The following LRP1 variants were observed in gnomAD, a reference collection of about 807,000 sequenced individuals.
LRP1 encodes prolow-density lipoprotein receptor-related protein 1.
In LRP1, 51 loss-of-function variants were observed where a neutral mutation model predicts 541.5. That is an observed-to-expected ratio of 0.09 (90% confidence interval 0.08 to 0.12). The LOEUF (loss-of-function observed/expected upper bound fraction) is 0.12, where lower values mean the gene tolerates loss of function less well. Among genes scored for constraint, LRP1 ranks in the 10% least tolerant of loss-of-function variants. LRP1 has a pLI of 1.00. For missense variants in LRP1, 3,878 were observed against 6,376.2 expected, an observed-to-expected ratio of 0.61 and a Z score of 13.34; for synonymous variants, 2,219 against 2,470.8, an observed-to-expected ratio of 0.90 and a Z score of 3.02.
chr12:57,210,671 G>A (rs1277937227), intron 82 of LRP1, 47 bp from the exon 83 acceptor site: 2 of 1,577,676 alleles, frequency 1.3e-6, no homozygotes, highest in Non-Finnish European at 8.7e-7. Context: ...TATAGGGCCA[G>A]GTGGTCTCGA....
At position 57,197,671 on chromosome 12, in the gene LRP1, C is replaced by T. The variant is rs375046466; in HGVS notation, c.9282+7C>T. 14 of 1,612,234 alleles carry T rather than the reference C, an allele frequency of 8.7e-6. 1 individual carries two copies. Among genetic ancestry groups the T allele is most frequent in the Admixed American group, 1.7e-5 (1 of 59,694 alleles). The stretch of plus-strand genomic sequence containing the variant: ...TAACGGGAGCAATGTGCAGGTGAGG[C>T]GGGCGGCCCTCGGCGACCAACACTG... On this transcript the variant is annotated splice_region_variant and intron_variant, in intron 58 of 88. Transcript: ENST00000243077. This position sits in a 1 kb window ranked among gnomAD's most constrained non-coding sequence, Gnocchi z 4.5.
In LRP1 at chr12:57,178,661, G is replaced by A. The variant is rs2036098878; in HGVS notation, c.4606+58G>A. 1.2e-6 allele frequency: 2 copies of A among 1,608,974 alleles called. No individual in the cohort carries two copies. Among genetic ancestry groups the A allele is most frequent in the African/African-American group, 1.3e-5 (1 of 74,778 alleles). ...GGAGCCAGCAGCCTCTTTAGAAGCT[G>A]TAGAAGCTCTTAGGAGAGGAGAGGG... is the stretch of plus-strand genomic sequence containing the variant. On this transcript the variant is annotated intron_variant, in intron 27 of 88. Coordinates refer to ENST00000243077, the MANE Select transcript of LRP1 (RefSeq NM_002332.3). This position sits in a 1 kb window ranked among gnomAD's most constrained non-coding sequence, Gnocchi z 5.8.
Position 57,156,809 on chromosome 12 carries a change from G to A in LRP1, c.1450G>A (p.Gly484Arg), listed in dbSNP as rs769491680. The A allele has an allele frequency of 2.5e-6, 4 of 1,609,936 alleles. No homozygotes were observed. In the East Asian group the frequency reaches 8.9e-5, roughly 36 times the overall value. ...CCATGCCTGTGAAAACGACCAGTAT[G>A]GGAAGCCGGGTGGCTGCTCTGACAT... ...RSHACENDQY[G>R]KPGGCSDICL... is the part of the protein sequence containing the mutation. The change falls in exon 10 of 89, where the codon GGG (glycine) becomes AGG (arginine). Residue 484 changes from glycine to arginine, a missense_variant. This residue lies in a region of LRP1 where 496 missense variants were observed against 861.0 expected (regional missense o/e 0.58). Transcript: ENST00000243077. This position sits in a 1 kb window ranked among gnomAD's most constrained non-coding sequence, Gnocchi z 5.2.
rs777612335 is a variant in LRP1 at position 57,211,144 on chromosome 12, C to T, written c.12917-32C>T. 10 of 1,608,536 alleles carry T rather than the reference C, an allele frequency of 6.2e-6. No individual in the cohort carries two copies. The East Asian group carries it at 1.1e-4, about 18-fold the overall frequency. On this transcript the variant is annotated intron_variant, in intron 83 of 88. Transcript: ENST00000243077. The surrounding 1 kb of genome is among the most constrained non-coding windows in gnomAD (Gnocchi z 4.3). ...ATGGAGAGCCCTCATGAGGGTGGGG[C>T]TTGAGGCACTTCTCTCCCTCCCCAA...
chr12:57,188,698 C>T (rs911168352), intron 42 of LRP1, among the ~76,000 whole-genome samples: 5 of 152,336 alleles, frequency 3.3e-5, no homozygotes, highest in Non-Finnish European at 7.3e-5. Flanking sequence ...GATTCCATCA[C>T]GCATTCAGCG....
intron 44 of LRP1, 66 bp downstream of exon 44, chr12:57,191,578 C>A (rs1301003207): frequency 3.5e-6 from 5 of 1,419,384 alleles, no homozygotes; most frequent in Non-Finnish European, 3.8e-6. Context: ...CAAACACACA[C>A]CCCACACACA....
intron 15 of LRP1, among the ~76,000 whole-genome samples, chr12:57,163,669 A>C (rs1360172584): frequency 6.6e-6 from 1 of 152,180 alleles, no homozygotes; most frequent in Non-Finnish European, 1.5e-5. Flanking sequence ...ACCAGTGAGC[A>C]CCATATATTG....
Position 57,162,436 on chromosome 12 carries a change from C to A in LRP1, c.2322C>A (p.Gly774=). ...ACCGCTTGGAACGGGGTGTAGGAGG[C>A]GCACCCCCCACTGTGACCCTTCTGC... The part of the protein sequence containing the change: ...SVYRLERGVG[G]APPTVTLLRS... Residue 774 remains glycine (G), a synonymous_variant, in exon 14 of 89, where the codon GGC becomes GGA. Transcript: ENST00000243077. The surrounding 1 kb of genome is among the most constrained non-coding windows in gnomAD (Gnocchi z 5.2). 2.5e-6 allele frequency: 4 copies of A among 1,614,050 alleles called. No homozygotes were observed. Among genetic ancestry groups the A allele is most frequent in the Non-Finnish European group, 3.4e-6 (4 of 1,179,992 alleles).
At position 57,195,905 on chromosome 12, in the gene LRP1, G is replaced by A; in HGVS notation, c.8603G>A (p.Gly2868Glu). The stretch of plus-strand genomic sequence containing the variant: ...CCCAGTGAGTTCCGCTGTGCCAATG[G>A]GCGCTGTCTGAGCTCCCGCCAGTGG... ...CGPSEFRCAN[G>E]RCLSSRQWEC... The change falls in exon 54 of 89, where the codon GGG becomes GAG. Residue 2868 changes from glycine to glutamate, a missense_variant. This residue lies in a region of LRP1 where 1,100 missense variants were observed against 1,827.4 expected (regional missense o/e 0.60). Coordinates refer to ENST00000243077, the MANE Select transcript of LRP1 (RefSeq NM_002332.3). 1 of 1,613,740 alleles carries A rather than the reference G, an allele frequency of 6.2e-7. No homozygotes were observed. The highest frequency in any genetic ancestry group is 1.1e-5 in the South Asian group (1 of 91,084).
chr12:57,196,105 C>T lies in LRP1; in HGVS notation c.8720C>T (p.Ser2907Leu), dbSNP rs370412692. ...CTSQEHKCNA[S>L]SQFLCSSGRC... ...TCCGCAGAGCACAAGTGCAATGCCT[C>T]GTCACAGTTCCTGTGCAGCAGTGGG... The change falls in exon 55 of 89, where the codon TCG (serine) becomes TTG (leucine). Residue 2907 changes from serine to leucine, a missense_variant. Ser to Leu is a moderately radical substitution (Grantham distance 145). Coordinates refer to ENST00000243077, the MANE Select transcript of LRP1 (RefSeq NM_002332.3). 46 of 1,605,372 alleles carry T rather than the reference C, an allele frequency of 2.9e-5. No individual in the cohort carries two copies. Among genetic ancestry groups the T allele is most frequent in the Middle Eastern group, 1.6e-4 (1 of 6,062 alleles).
rs948972056 is a variant in LRP1 at position 57,177,826 on chromosome 12, T to C, written c.4361+235T>C. Among the ~76,000 whole-genome samples, 1 of 152,072 alleles carries C rather than the reference T, an allele frequency of 6.6e-6. No individual in the cohort carries two copies. Among genetic ancestry groups the C allele is most frequent in the African/African-American group, 2.4e-5 (1 of 41,418 alleles). On this transcript the variant is annotated intron_variant, in intron 26 of 88. Transcript: ENST00000243077. The surrounding 1 kb of genome is among the most constrained non-coding windows in gnomAD (Gnocchi z 6.8). ...CCATCAGCTGTGGTTATTCACACTG[T>C]ACCATCCTCTCCACTCACCTGTCCT...
chr12:57,167,366 C>A, intron 18 of LRP1, 78 bp from the exon 19 acceptor site: 1 of 1,073,608 alleles, frequency 9.3e-7, no homozygotes, highest in Non-Finnish European at 1.5e-6. Context: ...TATGGGAGGG[C>A]CGCTGCACTC....
Position 57,183,922 on chromosome 12 carries a change from C to T in LRP1, c.5929+13C>T, listed in dbSNP as rs761826586. 6.2e-7 allele frequency: 1 copy of T among 1,613,804 alleles called. No homozygotes were observed. The highest frequency in any genetic ancestry group is 8.5e-7 in the Non-Finnish European group (1 of 1,180,000). On this transcript the variant is annotated intron_variant, in intron 36 of 88. Transcript: ENST00000243077. This position sits in a 1 kb window ranked among gnomAD's most constrained non-coding sequence, Gnocchi z 6.1. ...GACTGGATCGCAGGTGAGCAGTGGG[C>T]AGGTTTGTGGGGCTTGGGGTGTGGC...
chr12:57,204,285 G>T lies in LRP1; in HGVS notation c.10952-125G>T. 8.5e-7 allele frequency: 1 copy of T among 1,173,268 alleles called. No homozygotes were observed. Among genetic ancestry groups the T allele is most frequent in the Non-Finnish European group, 1.2e-6 (1 of 859,072 alleles). The allele number at this position is 1,173,268 out of a possible 1,614,324, so 72.7% of individuals were successfully genotyped here. ...CACCAAGTAGAAATTTAAGAGACCT[G>T]GTTCCAATTTGGCTGTGCCACTGCT... is the stretch of plus-strand genomic sequence containing the variant. On this transcript the variant is annotated intron_variant, in intron 70 of 88. Coordinates refer to ENST00000243077, the MANE Select transcript of LRP1 (RefSeq NM_002332.3). This position sits in a 1 kb window ranked among gnomAD's most constrained non-coding sequence, Gnocchi z 5.3.
chr12:57,197,443 T>C lies in LRP1; in HGVS notation c.9162+59T>C, dbSNP rs1800165. On this transcript the variant is annotated intron_variant, in intron 57 of 88. Transcript: ENST00000243077. This position sits in a 1 kb window ranked among gnomAD's most constrained non-coding sequence, Gnocchi z 4.5. ...TCTCCCAGACCCAGCACAGCCTCCCTTGCAAGTCTCCCCGCTTAGGTCCAA... is the reference window on the plus strand; with the variant it reads ...TCTCCCAGACCCAGCACAGCCTCCCCTGCAAGTCTCCCCGCTTAGGTCCAA... 541,618 of 1,609,872 alleles carry C rather than the reference T, an allele frequency of 0.34. 97,570 individuals are homozygous for C. The highest frequency in any genetic ancestry group is 0.63 in the African/African-American group (47,326 of 74,770).
chr12:57,153,716 CA>C (rs2035568244), intron 6 of LRP1, among the ~76,000 whole-genome samples: 1 of 152,124 alleles, frequency 6.6e-6, no homozygotes, highest in Admixed American at 6.6e-5. Context: ...ACTTTTCTCC[CA>C]AACTGGGTTT....
Position 57,184,376 on chromosome 12 carries a change from G to A in LRP1, c.6110G>A (p.Arg2037Gln), listed in dbSNP as rs145430854. The change falls in exon 38 of 89, where the codon CGG becomes CAG. Residue 2037 changes from arginine (R) to glutamine (Q), a missense_variant. By Grantham distance (43) the Arg-to-Gln change is conservative (BLOSUM62 1). Coordinates refer to ENST00000243077, the MANE Select transcript of LRP1 (RefSeq NM_002332.3). This position sits in a 1 kb window ranked among gnomAD's most constrained non-coding sequence, Gnocchi z 7.8. The stretch of plus-strand genomic sequence containing the variant: ...CAGTATCCGCGTATTGAGCGGTCTC[G>A]GCTAGATGGCACGGAGCGTGTGGTG... The part of the protein sequence containing the change: ...WGQYPRIERS[R>Q]LDGTERVVLV... 6 of 1,614,096 alleles carry A rather than the reference G, an allele frequency of 3.7e-6. No individual in the cohort carries two copies. In the South Asian group the frequency reaches 4.4e-5, roughly 12 times the overall value.
At chr12:57,196,346 A>T in intron 55 of LRP1, 69 bp downstream of exon 55, 1 of 1,314,366 alleles carries the variant, frequency 7.6e-7, no homozygotes. Context: ...CCACTGCCTT[A>T]TTCATTCATT....
rs762881330 is a variant in LRP1, at chr12:57,180,657, G to A, written c.5387-10G>A. On this transcript the variant is annotated splice_polypyrimidine_tract_variant and intron_variant, in intron 32 of 88. Coordinates refer to ENST00000243077, the MANE Select transcript of LRP1 (RefSeq NM_002332.3). ...CTTCCCAAGGGTCTCATCCCCTCCT[G>A]CTGCCCCAGGGGACAAGCTGTGGTG... The A allele has an allele frequency of 6.2e-7, 1 of 1,613,934 alleles. No homozygotes were observed. Among genetic ancestry groups the A allele is most frequent in the Non-Finnish European group, 8.5e-7 (1 of 1,179,830 alleles).
Sources: allele counts gnomAD v4.1 joint callset (sites outside exome capture counted in the v4.1 genomes callset), GRCh38; gene constraint gnomAD v4.1.1; regional missense constraint gnomAD v4.1.1; non-coding constraint Gnocchi (gnomAD v3.1); transcripts MANE v1.5; gene names NCBI Gene and HGNC (gene_info 2026-07-23, HGNC 2026-07-21).